Variants in ASTN2 observed in about 807,000 individuals in gnomAD.
ASTN2 encodes astrotactin 2.
ASTN2 carries 54 observed loss-of-function variants against 139.8 expected under a neutral mutation model. The observed-to-expected ratio is 0.39, with a 90% confidence interval of 0.31 to 0.48. The LOEUF (loss-of-function observed/expected upper bound fraction) is 0.48, where lower values mean the gene tolerates loss of function less well. Among genes scored for constraint, ASTN2 ranks in the 20% least tolerant of loss-of-function variants. The pLI is 0.95. For missense variants in ASTN2, 1,565 were observed against 1,725.1 expected (o/e 0.91, Z 1.64); for synonymous variants, 756 against 719.5 (o/e 1.05, Z -0.81).
intron 2 of ASTN2, among the ~76,000 whole-genome samples, chr9:117,243,660 C>T (rs906510976): frequency 6.6e-6 from 1 of 152,104 alleles, no homozygotes; most frequent in Admixed American, 6.5e-5. Context: ...GAAGGTTGCC[C>T]AAGCTAGGCA....
intron 7 of ASTN2, among the ~76,000 whole-genome samples, chr9:116,988,312 A>G (rs899278700): frequency 6.6e-6 from 1 of 151,978 alleles, no homozygotes; most frequent in African/African-American, 2.4e-5. Flanking sequence ...AATCATGCCC[A>G]CTCTTCTCAT....
At chr9:117,376,808 T>C (rs1051203908) in intron 1 of ASTN2, among the ~76,000 whole-genome samples, 3 of 152,208 alleles carry the variant, frequency 2.0e-5, no homozygotes, top group Admixed American at 2.0e-4. Flanking sequence ...TAGCACATCA[T>C]AGGAGCTCAA....
At chr9:116,957,079 A>G (rs1444863444) in intron 10 of ASTN2, among the ~76,000 whole-genome samples, 1 of 150,088 alleles carries the variant, frequency 6.7e-6, no homozygotes, top group East Asian at 1.9e-4. Flanking sequence ...GAAATTGAGA[A>G]GCTCATTCCA....
chr9:117,120,443 A>G (rs1180161575), intron 4 of ASTN2, among the ~76,000 whole-genome samples: 1 of 152,084 alleles, frequency 6.6e-6, no homozygotes, highest in Non-Finnish European at 1.5e-5. Context: ...GGACTTATGG[A>G]CTTTTATTTG....
At chr9:117,005,010 C>G (rs2132579101) in intron 7 of ASTN2, among the ~76,000 whole-genome samples, 1 of 150,238 alleles carries the variant, frequency 6.7e-6, no homozygotes, top group South Asian at 2.1e-4. Flanking sequence ...CATCTAGATG[C>G]TGTAGACTAG....
At chr9:117,353,089 G>A (rs1263934960) in intron 1 of ASTN2, among the ~76,000 whole-genome samples, 2 of 152,160 alleles carry the variant, frequency 1.3e-5, no homozygotes, top group Admixed American at 1.3e-4. Context: ...GAAATACATG[G>A]TGTTGATGGT....
intron 1 of ASTN2, among the ~76,000 whole-genome samples, chr9:117,304,269 C>T (rs374616011): frequency 1.8e-4 from 28 of 152,328 alleles, no homozygotes; most frequent in African/African-American, 6.5e-4. Flanking sequence ...CTTTATGCAG[C>T]ATCCCCCCTC....
Position 116,431,346 on chromosome 9 carries a change from C to A in ASTN2, c.3783-5258G>T, listed in dbSNP as rs555060634. On this transcript the variant is annotated intron_variant, in intron 22 of 22. Coordinates refer to ENST00000313400, the MANE Select transcript of ASTN2 (RefSeq NM_001365068.1). Reference sequence around the variant, plus strand: ...TGTCTCTGTGTTAGCTGTCCCGAAGCTTAATGAGAATTGAGGACATGATGT... The same window carrying A: ...TGTCTCTGTGTTAGCTGTCCCGAAGATTAATGAGAATTGAGGACATGATGT... 5.3e-5 allele frequency among the ~76,000 whole-genome samples: 8 copies of A among 152,236 alleles called. No individual in the cohort carries two copies. The East Asian group carries it at 1.4e-3, about 26-fold the overall frequency.
At chr9:116,869,454 T>C (rs1252766426) in intron 10 of ASTN2, among the ~76,000 whole-genome samples, 1 of 152,160 alleles carries the variant, frequency 6.6e-6, no homozygotes, top group East Asian at 1.9e-4. Context: ...TTCCTAATAC[T>C]GCACTGGCTC....
chr9:116,874,872 C>T (rs187746220), intron 10 of ASTN2, among the ~76,000 whole-genome samples: 1 of 152,156 alleles, frequency 6.6e-6, no homozygotes, highest in African/African-American at 2.4e-5. Flanking sequence ...CATGTCTATG[C>T]ATCAGATTTT....
At chr9:116,845,721 A>C (rs1832410236) in intron 11 of ASTN2, among the ~76,000 whole-genome samples, 1 of 152,182 alleles carries the variant, frequency 6.6e-6, no homozygotes, top group South Asian at 2.1e-4. Flanking sequence ...TCAGAAAATA[A>C]TGAGTGTTGG....
chr9:116,986,076 G>A (rs952086751), intron 7 of ASTN2, among the ~76,000 whole-genome samples: 2 of 152,118 alleles, frequency 1.3e-5, no homozygotes, highest in South Asian at 2.1e-4. Flanking sequence ...ATCGCCAGAC[G>A]TGTAGGCAGC....
In ASTN2 at chr9:116,668,072, T is replaced by C. The variant is rs562959707; in HGVS notation, c.2807-16279A>G. Among the ~76,000 whole-genome samples, 6 of 152,236 alleles carry C rather than the reference T, an allele frequency of 3.9e-5. No individual in the cohort carries two copies. The South Asian group carries it at 1.2e-3, about 32-fold the overall frequency. On this transcript the variant is annotated intron_variant, in intron 16 of 22. Coordinates refer to ENST00000313400, the MANE Select transcript of ASTN2 (RefSeq NM_001365068.1). ...AAATACGGTGTGCTCCACCTATTCA[T>C]CCATATCCCCTGCTCCCAACTCCTG...
intron 11 of ASTN2, among the ~76,000 whole-genome samples, chr9:116,841,724 C>T (rs1832266231): frequency 6.6e-6 from 1 of 152,156 alleles, no homozygotes; most frequent in Non-Finnish European, 1.5e-5. Flanking sequence ...GAAAATAACT[C>T]CTTCCTCACT....
At chr9:117,322,094 G>A (rs1468600423) in intron 1 of ASTN2, among the ~76,000 whole-genome samples, 2 of 139,870 alleles carry the variant, frequency 1.4e-5, no homozygotes, top group Admixed American at 7.0e-5. Context: ...TCTTATCCCC[G>A]GGCAAGCCTT....
chr9:116,581,476 C>A (rs772099311), intron 19 of ASTN2, among the ~76,000 whole-genome samples: 1 of 152,176 alleles, frequency 6.6e-6, no homozygotes, highest in Non-Finnish European at 1.5e-5. Context: ...TCCTTTTGGT[C>A]AGTTGGCTTT....
chr9:116,739,932 G>C (rs565267717), intron 13 of ASTN2, among the ~76,000 whole-genome samples: 1 of 152,282 alleles, frequency 6.6e-6, no homozygotes, highest in South Asian at 2.1e-4. Flanking sequence ...AATGCTTCAG[G>C]ATCTAAAGCA....
intron 6 of ASTN2, among the ~76,000 whole-genome samples, chr9:117,015,798 A>G (rs569704181): frequency 6.6e-6 from 1 of 152,272 alleles, no homozygotes; most frequent in African/African-American, 2.4e-5. Flanking sequence ...GAAGATAGCA[A>G]CTTGGTTAAG....
At chr9:116,627,802 TTGAG>T (rs1288163291) in intron 17 of ASTN2, among the ~76,000 whole-genome samples, 3 of 152,176 alleles carry the variant, frequency 2.0e-5, no homozygotes, top group African/African-American at 4.8e-5. Flanking sequence ...GTGATATTTA[TTGAG>T]TACTTACTAC....
Sources: allele counts gnomAD v4.1 joint callset (sites outside exome capture counted in the v4.1 genomes callset), GRCh38; gene constraint gnomAD v4.1.1; transcripts MANE v1.5; gene names NCBI Gene and HGNC (gene_info 2026-07-23, HGNC 2026-07-21).